MTUS2: variants seen among roughly 807,000 people sequenced by gnomAD.
The protein encoded by MTUS2 is microtubule-associated tumor suppressor candidate 2.
In MTUS2, 40 loss-of-function variants were observed where a neutral mutation model predicts 114.1. That is an observed-to-expected ratio of 0.35 (90% CI 0.27 to 0.46). MTUS2 has a LOEUF of 0.46. MTUS2 is among the 20% of genes least tolerant of loss of function. The pLI, the probability that MTUS2 is intolerant of heterozygous loss-of-function variation, is 1.00. For synonymous variants in MTUS2, 688 were observed against 672.0 expected (o/e 1.02, Z -0.37); for missense variants, 1,679 against 1,705.4 (o/e 0.98, Z 0.27).
At chr13:29,047,459 T>TA (rs1272677369) in intron 4 of MTUS2, among the ~76,000 whole-genome samples, 1 of 152,144 alleles carries the variant, frequency 6.6e-6, no homozygotes, top group Non-Finnish European at 1.5e-5. Context: ...AAAATATCCT[T>TA]ATTGAGTGTT....
intron 7 of MTUS2, among the ~76,000 whole-genome samples, chr13:29,333,826 CT>C (rs1275753060): frequency 1.3e-5 from 2 of 152,046 alleles, no homozygotes; most frequent in Non-Finnish European, 2.9e-5. Context: ...GAGTCTAAGT[CT>C]TTTTGTAGGT....
intron 2 of MTUS2, among the ~76,000 whole-genome samples, chr13:28,920,410 C>T (rs1156675621): frequency 6.6e-6 from 1 of 152,178 alleles, no homozygotes; most frequent in Non-Finnish European, 1.5e-5. Context: ...TTCTCCCAAA[C>T]AATCAGAGTC....
At chr13:28,951,320 C>A (rs144430082) in intron 2 of MTUS2, among the ~76,000 whole-genome samples, 2 of 152,280 alleles carry the variant, frequency 1.3e-5, no homozygotes, top group African/African-American at 4.8e-5. Flanking sequence ...ATTAAGTTTT[C>A]CAATCCATGA....
At chr13:28,864,711 A>G (rs1877192154) in intron 2 of MTUS2, among the ~76,000 whole-genome samples, 1 of 152,168 alleles carries the variant, frequency 6.6e-6, no homozygotes. Context: ...CTAAAATGCT[A>G]GGTCATTACT....
chr13:29,379,032 A>G (rs1871980140), intron 8 of MTUS2, among the ~76,000 whole-genome samples: 1 of 152,062 alleles, frequency 6.6e-6, no homozygotes, highest in Admixed American at 6.5e-5. Context: ...TTTGCTCTGT[A>G]CTTCTCCTTC....
chr13:29,022,135 C>T (rs185192626), intron 2 of MTUS2, among the ~76,000 whole-genome samples: 1 of 152,156 alleles, frequency 6.6e-6, no homozygotes, highest in East Asian at 1.9e-4. Context: ...GTTAATGTGT[C>T]TTGGGGTATG....
At chr13:28,852,242 T>G (rs539189675) in intron 2 of MTUS2, among the ~76,000 whole-genome samples, 14 of 152,308 alleles carry the variant, frequency 9.2e-5, no homozygotes, top group Non-Finnish European at 1.5e-4. Flanking sequence ...TCTGACTTAT[T>G]TTCTTCAGAG....
intron 3 of MTUS2, among the ~76,000 whole-genome samples, chr13:29,031,237 G>GGGGTGTGTGTGTGTGT (rs144071821): frequency 1.6e-5 from 2 of 122,886 alleles, no homozygotes; most frequent in African/African-American, 3.0e-5. Flanking sequence ...AGAACTAATA[G>GGGGTGTGTGTGTGTGT]GTGTGTGTGT....
intron 5 of MTUS2, among the ~76,000 whole-genome samples, chr13:29,102,941 G>A (rs188153166): frequency 6.6e-6 from 1 of 152,248 alleles, no homozygotes; most frequent in East Asian, 1.9e-4. Flanking sequence ...CTCCAAGCTT[G>A]TTCATTCTCT....
At chr13:28,991,484 T>A (rs1460595764) in intron 2 of MTUS2, among the ~76,000 whole-genome samples, 2 of 151,602 alleles carry the variant, frequency 1.3e-5, no homozygotes, top group African/African-American at 4.8e-5. Flanking sequence ...TTCTCCTGCC[T>A]CAGCCTCCTG....
rs1234913941 is a variant in MTUS2 at position 28,861,448 on chromosome 13, T to C, written c.-243+21598T>C. Among the ~76,000 whole-genome samples the C allele has an allele frequency of 6.6e-5, 10 of 151,268 alleles. No individual in the cohort carries two copies. The East Asian group carries it at 1.9e-3, about 29-fold the overall frequency. On this transcript the variant is annotated intron_variant, in intron 2 of 15. Coordinates refer to ENST00000612955, the MANE Select transcript of MTUS2 (RefSeq NM_001033602.4). Reference sequence around the variant, plus strand: ...GAGCCTCTGTTTTTTTCTTTTTTTTTTTTTTTTACCCTTAATGGTGTTAAC... The same window carrying C: ...GAGCCTCTGTTTTTTTCTTTTTTTTCTTTTTTTACCCTTAATGGTGTTAAC...
At chr13:29,338,902 A>G (rs1217436838) in intron 7 of MTUS2, among the ~76,000 whole-genome samples, 1 of 152,196 alleles carries the variant, frequency 6.6e-6, no homozygotes, top group Non-Finnish European at 1.5e-5. Flanking sequence ...CGGTCTCTTC[A>G]GTGTGGGCTC....
intron 4 of MTUS2, among the ~76,000 whole-genome samples, chr13:29,036,163 A>AG (rs1887062117): frequency 6.6e-6 from 1 of 150,688 alleles, no homozygotes; most frequent in Non-Finnish European, 1.5e-5. Flanking sequence ...AAAAGAAAGA[A>AG]AAATAAAAGA....
At chr13:28,846,134 G>A (rs1281242864) in intron 2 of MTUS2, among the ~76,000 whole-genome samples, 2 of 151,730 alleles carry the variant, frequency 1.3e-5, no homozygotes, top group Non-Finnish European at 2.9e-5. Flanking sequence ...AGCTGCTTGA[G>A]TTATAGCCTG....
intron 7 of MTUS2, chr13:29,339,980 TC>T (rs1316378474): frequency 6.6e-6 from 1 of 152,376 alleles, no homozygotes; most frequent in East Asian, 1.9e-4. Context: ...TCTTAGAAAT[TC>T]AGCTTCCAGA....
intron 2 of MTUS2, among the ~76,000 whole-genome samples, chr13:28,906,077 A>G (rs1281445305): frequency 6.6e-6 from 1 of 151,384 alleles, no homozygotes; most frequent in Admixed American, 6.6e-5. Flanking sequence ...GGTAGTTTAT[A>G]TTTCTGTGGG....
At chr13:29,156,605 C>T (rs1892870872) in intron 5 of MTUS2, among the ~76,000 whole-genome samples, 1 of 152,122 alleles carries the variant, frequency 6.6e-6, no homozygotes, top group Non-Finnish European at 1.5e-5. Context: ...ACTCTCTGAG[C>T]TTCTTTCGTC....
At chr13:28,900,032 C>T (rs1057276009) in intron 2 of MTUS2, among the ~76,000 whole-genome samples, 5 of 152,008 alleles carry the variant, frequency 3.3e-5, no homozygotes, top group African/African-American at 1.2e-4. Flanking sequence ...GGATTACAGG[C>T]ATGCACCACC....
chr13:29,010,878 G>A (rs572689944), intron 2 of MTUS2, among the ~76,000 whole-genome samples: 37 of 152,246 alleles, frequency 2.4e-4, no homozygotes, highest in African/African-American at 7.2e-4. Flanking sequence ...TCAGATGGTG[G>A]AGGACTATGT....
Sources: gnomAD v4.1 joint callset for allele counts (sites outside exome capture counted in the v4.1 genomes callset) on GRCh38, gnomAD v4.1.1 for gene constraint, MANE v1.5 for transcripts, NCBI Gene and HGNC (gene_info 2026-07-23, HGNC 2026-07-21) for gene names.